CEP72: variants seen among roughly 807,000 people sequenced by gnomAD.
CEP72 encodes the protein centrosomal protein 72.
Under a neutral mutation model 65.7 loss-of-function variants are expected in CEP72, and 78 were observed. That is an observed-to-expected ratio of 1.19 (90% CI 0.99 to 1.43). The LOEUF is 1.43. Among genes scored for constraint, CEP72 ranks in the 40% most tolerant of loss-of-function variants. CEP72 has a pLI of 0.00. For missense variants in CEP72, 914 were observed against 832.9 expected (o/e 1.10, Z -1.20); for synonymous variants, 358 against 351.7 (o/e 1.02, Z -0.20).
At chr5:642,465 T>C (rs973141375) in intron 9 of CEP72, 4 of 985,368 alleles carry the variant, frequency 4.1e-6, no homozygotes, top group Admixed American at 6.1e-5. Flanking sequence ...TCACTGATGA[T>C]GTCTTTTCTG....
intron 1 of CEP72, among the ~76,000 whole-genome samples, chr5:614,210 T>A (rs1011983751): frequency 7.2e-5 from 11 of 152,228 alleles, no homozygotes; most frequent in Admixed American, 2.0e-4. Flanking sequence ...TGCTTTTTTT[T>A]ATTTCCTTCT....
intron 9 of CEP72, chr5:642,935 T>C: frequency 1.0e-6 from 1 of 985,458 alleles, no homozygotes; most frequent in Non-Finnish European, 1.2e-6. Context: ...TCGGGTGTCC[T>C]GAGGCAAGGT....
intron 1 of CEP72, 81 bp from the exon 2 acceptor site, chr5:618,909 T>C (rs1579926895): frequency 1.7e-6 from 2 of 1,148,026 alleles, no homozygotes; most frequent in East Asian, 5.1e-5. Context: ...TTCTACTCCA[T>C]ATCCAACACC....
intron 4 of CEP72, among the ~76,000 whole-genome samples, chr5:626,478 G>A (rs569671669): frequency 1.1e-4 from 17 of 152,318 alleles, no homozygotes; most frequent in African/African-American, 3.8e-4. Flanking sequence ...CATCTATGAT[G>A]TGATCTTGTG....
At position 624,842 on chromosome 5, in the gene CEP72, G is replaced by C. The variant is rs1258493038; in HGVS notation, c.512+263G>C. Among the ~76,000 whole-genome samples, 2 of 152,200 alleles carry C rather than the reference G, an allele frequency of 1.3e-5. No individual in the cohort carries two copies. The highest frequency in any genetic ancestry group is 2.9e-5 in the Non-Finnish European group (2 of 68,036). On this transcript the variant is annotated intron_variant, in intron 4 of 11. Coordinates refer to ENST00000264935, the MANE Select transcript of CEP72 (RefSeq NM_018140.4). The surrounding 1 kb of genome is among the most constrained non-coding windows in gnomAD (Gnocchi z 4.7). ...GTAAAATCAACTCAGCAAAGGGCTT[G>C]TCCTGTCCCTTTCCCGGGGCTGGCA...
At chr5:641,108 C>T (rs1737984346) in intron 9 of CEP72, 1 of 985,354 alleles carries the variant, frequency 1.0e-6, no homozygotes, top group East Asian at 1.1e-4. Context: ...AGGCTCCCTC[C>T]TTCCGTCTCA....
intron 9 of CEP72, chr5:643,781 G>A: frequency 2.4e-6 from 1 of 423,944 alleles, no homozygotes; most frequent in Non-Finnish European, 3.2e-6. Flanking sequence ...TGTAGCTGCA[G>A]GCGTGGCCCT....
At chr5:643,464 G>A (rs551843379) in intron 9 of CEP72, 2 of 985,420 alleles carry the variant, frequency 2.0e-6, no homozygotes, top group Non-Finnish European at 2.4e-6. Context: ...CATGGGCGTC[G>A]GGGGCCTGGC....
At chr5:616,292 T>G (rs1735984102) in intron 1 of CEP72, among the ~76,000 whole-genome samples, 1 of 152,342 alleles carries the variant, frequency 6.6e-6, no homozygotes, top group Non-Finnish European at 1.5e-5. Flanking sequence ...TTTTTTGTTA[T>G]TGTATTTTTC....
At chr5:613,398 TCTCA>T (rs1254176459) in intron 1 of CEP72, among the ~76,000 whole-genome samples, 2 of 150,990 alleles carry the variant, frequency 1.3e-5, no homozygotes, top group Non-Finnish European at 3.0e-5. Context: ...TTAGACGGAG[TCTCA>T]CTCTGTCGTC....
At chr5:649,902 A>G (rs1580028938) in intron 11 of CEP72, among the ~76,000 whole-genome samples, 1 of 88,678 alleles carries the variant, frequency 1.1e-5, no homozygotes, top group Non-Finnish European at 2.1e-5. Flanking sequence ...GTGAGGTGTG[A>G]CTGAGGTGTG....
chr5:668,983 A>G (rs973813801), downstream of CEP72, among the ~76,000 whole-genome samples: 3 of 152,186 alleles, frequency 2.0e-5, no homozygotes, highest in African/African-American at 7.2e-5. Flanking sequence ...GAGGGTTCCC[A>G]TACACTTTAC....
intron 11 of CEP72, among the ~76,000 whole-genome samples, chr5:652,775 G>T (rs1739191171): frequency 6.6e-6 from 1 of 152,240 alleles, no homozygotes; most frequent in Admixed American, 6.5e-5. Flanking sequence ...CTCCAAGGCT[G>T]CTCCCAGGGG....
chr5:667,833 C>T (rs548965647), downstream of CEP72, among the ~76,000 whole-genome samples: 6 of 148,718 alleles, frequency 4.0e-5, no homozygotes, highest in South Asian at 8.6e-4. Context: ...GACAAGCACA[C>T]GGAGAGGGGT....
downstream of CEP72, among the ~76,000 whole-genome samples, chr5:658,537 C>G (rs527373287): frequency 4.0e-5 from 6 of 151,678 alleles, no homozygotes; most frequent in African/African-American, 9.7e-5. Context: ...AATTTCTGAT[C>G]TGATCTATCA....
chr5:627,412 G>A (rs1255821871), intron 4 of CEP72, among the ~76,000 whole-genome samples: 1 of 76,974 alleles, frequency 1.3e-5, no homozygotes, highest in African/African-American at 1.2e-4. Context: ...TTGGATTAGG[G>A]CTGCCCTGTA....
rs753180354 is a variant in CEP72, at chr5:620,103, A to G, written c.245A>G (p.Asn82Ser). The G allele has an allele frequency of 1.3e-5, 21 of 1,613,490 alleles. No homozygotes were observed. Among genetic ancestry groups the G allele is most frequent in the Non-Finnish European group, 1.5e-5 (18 of 1,179,518 alleles). ...IQYLTALESLNLYYNCISSLA... is the reference protein window; with the variant it reads ...IQYLTALESLSLYYNCISSLA... ...TACCTGACTGCATTGGAGAGTCTCA[A>G]TCTCTACTACAACTGCATCTCCTCG... The change falls in exon 3 of 12, where the codon AAT becomes AGT. Residue 82 changes from asparagine (N) to serine (S), a missense_variant. Coordinates refer to ENST00000264935, the MANE Select transcript of CEP72 (RefSeq NM_018140.4).
intron 3 of CEP72, among the ~76,000 whole-genome samples, chr5:621,294 A>G (rs1736374275): frequency 6.6e-6 from 1 of 152,232 alleles, no homozygotes; most frequent in Admixed American, 6.5e-5. Flanking sequence ...TCTTGTTAGA[A>G]CAAAAGACCA....
At chr5:641,785 T>C (rs372032504) in intron 9 of CEP72, 120 of 933,710 alleles carry the variant, frequency 1.3e-4, no homozygotes, top group African/African-American at 8.3e-4. Flanking sequence ...GTCCCCCGTC[T>C]AGAAGCCTGT....
Sources: gnomAD v4.1 joint callset for allele counts (sites outside exome capture counted in the v4.1 genomes callset) on GRCh38, gnomAD v4.1.1 for gene constraint, Gnocchi (gnomAD v3.1) non-coding constraint, MANE v1.5 for transcripts, NCBI Gene and HGNC (gene_info 2026-07-23, HGNC 2026-07-21) for gene names.